ZCCHC7: variants seen among roughly 807,000 people sequenced by gnomAD.
The protein encoded by ZCCHC7 is zinc finger CCHC domain-containing protein 7.
A neutral mutation model predicts 52.0 loss-of-function variants in ZCCHC7; 35 were observed. That is an observed-to-expected ratio of 0.67 (90% CI 0.51 to 0.89). ZCCHC7 has a LOEUF of 0.89. Among genes scored for constraint, ZCCHC7 ranks in the 40% least tolerant of loss-of-function variants. ZCCHC7 has a pLI of 0.00. For synonymous variants in ZCCHC7, 217 were observed against 221.5 expected (o/e 0.98, Z 0.18); for missense variants, 574 against 649.1 (o/e 0.88, Z 1.26).
chr9:37,214,445 C>A (rs920818501), intron 2 of ZCCHC7, among the ~76,000 whole-genome samples: 6 of 151,860 alleles, frequency 4.0e-5, no homozygotes, highest in Non-Finnish European at 1.5e-5. Context: ...GCTTTTTCAG[C>A]TGCTTTCATT....
chr9:37,153,181 T>C (rs1238480712), intron 2 of ZCCHC7, among the ~76,000 whole-genome samples: 1 of 152,126 alleles, frequency 6.6e-6, no homozygotes, highest in Non-Finnish European at 1.5e-5. Context: ...GATTGATTGA[T>C]TGATTTAGAG....
At chr9:37,244,729 G>A (rs1826011154) in intron 2 of ZCCHC7, among the ~76,000 whole-genome samples, 2 of 151,832 alleles carry the variant, frequency 1.3e-5, no homozygotes, top group East Asian at 1.9e-4. Context: ...GTGTCATGAG[G>A]GTTCTACCAT....
At chr9:37,272,203 T>A (rs1827450583) in intron 2 of ZCCHC7, among the ~76,000 whole-genome samples, 1 of 152,208 alleles carries the variant, frequency 6.6e-6, no homozygotes, top group African/African-American at 2.4e-5. Flanking sequence ...TTTCCATGAA[T>A]AATCCCTTTA....
At chr9:37,325,524 G>A (rs937767335) in intron 5 of ZCCHC7, among the ~76,000 whole-genome samples, 3 of 152,048 alleles carry the variant, frequency 2.0e-5, no homozygotes, top group African/African-American at 7.2e-5. Context: ...GGGTGCCATG[G>A]CATTCTATTT....
intron 2 of ZCCHC7, among the ~76,000 whole-genome samples, chr9:37,219,463 C>G (rs1399260169): frequency 3.3e-5 from 5 of 150,414 alleles, no homozygotes. Context: ...ATGCACTTCT[C>G]CTTCTTAGAC....
chr9:37,344,178 G>A (rs965885945), intron 6 of ZCCHC7, among the ~76,000 whole-genome samples: 2 of 152,260 alleles, frequency 1.3e-5, no homozygotes, highest in Admixed American at 6.5e-5. Context: ...GATAAGTTAT[G>A]TCTTATATTT....
Position 37,352,511 on chromosome 9 carries a change from C to CTTTTTTTTTTT in ZCCHC7, c.1084-2185_1084-2175dup, listed in dbSNP as rs869266535. On this transcript the variant is annotated intron_variant, in intron 7 of 8. Coordinates refer to ENST00000336755, the MANE Select transcript of ZCCHC7 (RefSeq NM_032226.3). ...TACCTTTGCATAATCACAATTTGCT[C>CTTTTTTTTTTT]TTTTTTTTTTTTTTTTTTTTTTTTG... Among the ~76,000 whole-genome samples the CTTTTTTTTTTT allele has an allele frequency of 1.6e-3, 132 of 81,568 alleles. 9 individuals are homozygous for CTTTTTTTTTTT. The highest frequency in any genetic ancestry group is 6.7e-3 in the African/African-American group (121 of 17,962). The allele number at this position is 81,568 out of a possible 152,430, so 53.5% of individuals were successfully genotyped here. A position where few individuals can be genotyped will look rare whatever the true frequency, so the allele number is the denominator to read the frequency against.
At chr9:37,330,028 G>A (rs1830394751) in intron 6 of ZCCHC7, among the ~76,000 whole-genome samples, 1 of 151,760 alleles carries the variant, frequency 6.6e-6, no homozygotes, top group Non-Finnish European at 1.5e-5. Flanking sequence ...GAGCTTTACA[G>A]TTGCTTTTAT....
In ZCCHC7 at chr9:37,124,263, C is replaced by T. The variant is rs557536514; in HGVS notation, c.-21-2049C>T. The stretch of plus-strand genomic sequence containing the variant: ...GCTCTCATTTTAATCAGTAGTCCAT[C>T]AGTACCTAATGGAAACATCTACTGT... On this transcript the variant is annotated intron_variant, in intron 1 of 8. Coordinates refer to ENST00000336755, the MANE Select transcript of ZCCHC7 (RefSeq NM_032226.3). Among the ~76,000 whole-genome samples the T allele has an allele frequency of 1.8e-4, 28 of 152,096 alleles. No homozygotes were observed. In the Middle Eastern group the frequency reaches 0.01, roughly 55 times the overall value.
At chr9:37,193,452 A>G (rs141884797) in intron 2 of ZCCHC7, among the ~76,000 whole-genome samples, 1 of 152,258 alleles carries the variant, frequency 6.6e-6, no homozygotes, top group African/African-American at 2.4e-5. Flanking sequence ...AGAAAGTCTT[A>G]TTTCTGTCTC....
intron 2 of ZCCHC7, among the ~76,000 whole-genome samples, chr9:37,241,778 T>C (rs868021167): frequency 6.6e-6 from 1 of 151,754 alleles, no homozygotes; most frequent in Non-Finnish European, 1.5e-5. Flanking sequence ...AGGCTGTTCA[T>C]TCTGGAGATT....
chr9:37,335,993 T>A (rs950008949), intron 6 of ZCCHC7, among the ~76,000 whole-genome samples: 1 of 152,160 alleles, frequency 6.6e-6, no homozygotes, highest in African/African-American at 2.4e-5. Context: ...ATACAAATGA[T>A]GAGAATAAAA....
chr9:37,331,748 T>C (rs974370755), intron 6 of ZCCHC7, among the ~76,000 whole-genome samples: 2 of 151,652 alleles, frequency 1.3e-5, no homozygotes, highest in Non-Finnish European at 3.0e-5. Flanking sequence ...ATTGGATATA[T>C]GTTGGGATTC....
Position 37,206,889 on chromosome 9 carries a change from G to A in ZCCHC7, c.610+79947G>A, listed in dbSNP as rs1823947187. 2.0e-5 allele frequency among the ~76,000 whole-genome samples: 3 copies of A among 151,920 alleles called. No homozygotes were observed. The South Asian group carries it at 6.2e-4, about 32-fold the overall frequency. On this transcript the variant is annotated intron_variant, in intron 2 of 8. Transcript: ENST00000336755. ...GTCTGTGTGTCTAAAAGTGTTTCAG[G>A]CAGAGGCAGGGGGATCTCTTGAGGC...
chr9:37,300,186 T>C (rs1256863094), intron 2 of ZCCHC7, among the ~76,000 whole-genome samples: 2 of 152,252 alleles, frequency 1.3e-5, no homozygotes. Flanking sequence ...TACTGTTTTC[T>C]GTTTATGTGT....
At chr9:37,131,069 G>A (rs565942067) in intron 2 of ZCCHC7, among the ~76,000 whole-genome samples, 2 of 152,024 alleles carry the variant, frequency 1.3e-5, no homozygotes, top group South Asian at 4.1e-4. Context: ...GGCCAGGCCT[G>A]GTGGCTCACG....
chr9:37,210,452 A>G (rs1226266123), intron 2 of ZCCHC7, among the ~76,000 whole-genome samples: 1 of 152,122 alleles, frequency 6.6e-6, no homozygotes, highest in African/African-American at 2.4e-5. Context: ...TATATTACTG[A>G]TCTTTTTCAT....
intron 2 of ZCCHC7, among the ~76,000 whole-genome samples, chr9:37,300,815 C>T (rs1297082967): frequency 1.3e-5 from 2 of 152,166 alleles, no homozygotes; most frequent in Non-Finnish European, 2.9e-5. Flanking sequence ...TCATAGGTCC[C>T]TTCCCCCTTG....
intron 2 of ZCCHC7, among the ~76,000 whole-genome samples, chr9:37,173,159 C>T (rs539676147): frequency 6.6e-5 from 10 of 151,916 alleles, no homozygotes; most frequent in South Asian, 2.1e-4. Flanking sequence ...GAGTGAGCAA[C>T]GTGGGCATGC....
Sources: gnomAD v4.1 joint callset for allele counts (sites outside exome capture counted in the v4.1 genomes callset) on GRCh38, gnomAD v4.1.1 for gene constraint, MANE v1.5 for transcripts, NCBI Gene and HGNC (gene_info 2026-07-23, HGNC 2026-07-21) for gene names.